UGGT2: variants seen among roughly 807,000 people sequenced by gnomAD.
UGGT2 encodes the protein UDP-glucose glycoprotein glucosyltransferase 2.
In UGGT2, 180 loss-of-function variants were observed where a neutral mutation model predicts 192.1. The ratio of observed to expected loss-of-function variants is 0.94; its 90% CI spans 0.83 to 1.06. UGGT2 has a LOEUF of 1.06. UGGT2 is among the 50% of genes least tolerant of loss of function. UGGT2 has a pLI of 0.00. For missense variants in UGGT2, 1,849 were observed against 1,795.7 expected, an observed-to-expected ratio of 1.03 and a Z score of -0.54; for synonymous variants, 580 against 591.0, an observed-to-expected ratio of 0.98 and a Z score of 0.27.
At chr13:95,932,311 T>TGTGTGTG (rs2049311268) in intron 17 of UGGT2, among the ~76,000 whole-genome samples, 62 of 139,508 alleles carry the variant, frequency 4.4e-4, no homozygotes, top group African/African-American at 1.6e-3. Flanking sequence ...GGTATTTTAT[T>TGTGTGTG]TGTGTGTGTG....
At chr13:95,884,065 C>CAA (rs35937679) in intron 27 of UGGT2, among the ~76,000 whole-genome samples, 27,843 of 73,636 alleles carry the variant, frequency 0.38, 4,029 homozygotes, top group Non-Finnish European at 0.44. Flanking sequence ...GCTGTGAGGC[C>CAA]AAAAAAAAAA....
At chr13:96,019,386 A>T (rs1197695650) in intron 4 of UGGT2, among the ~76,000 whole-genome samples, 3 of 152,156 alleles carry the variant, frequency 2.0e-5, no homozygotes, top group Admixed American at 6.5e-5. Context: ...ATCACATCTA[A>T]AGAACACTGA....
chr13:95,989,435 G>A, intron 8 of UGGT2: 2 of 179,104 alleles, frequency 1.1e-5, no homozygotes, highest in African/African-American at 2.4e-5. Context: ...ATTATAAATT[G>A]AAAAGTACTT....
chr13:95,888,022 T>C, intron 25 of UGGT2, 51 bp from the exon 26 acceptor site: 1 of 1,249,508 alleles, frequency 8.0e-7, no homozygotes, highest in East Asian at 2.5e-5. Context: ...TAATAGCTAA[T>C]ATTTATTATG....
At chr13:95,876,076 T>A (rs74644751) in intron 29 of UGGT2, among the ~76,000 whole-genome samples, 15 of 148,596 alleles carry the variant, frequency 1.0e-4, no homozygotes, top group Non-Finnish European at 3.0e-5. Context: ...GTTAAAAAAA[T>A]AATTTTGACA....
intron 20 of UGGT2, among the ~76,000 whole-genome samples, chr13:95,919,768 G>A (rs555422865): frequency 6.6e-6 from 1 of 152,210 alleles, no homozygotes; most frequent in African/African-American, 2.4e-5. Flanking sequence ...TCATGAAAAT[G>A]GCCATACTGC....
At chr13:95,881,331 T>A (rs2047488767) in intron 27 of UGGT2, among the ~76,000 whole-genome samples, 2 of 152,314 alleles carry the variant, frequency 1.3e-5, no homozygotes, top group South Asian at 4.2e-4. Flanking sequence ...ATATATAAAT[T>A]TTCAAGTTTG....
chr13:95,883,859 G>A (rs1042622979), intron 27 of UGGT2, among the ~76,000 whole-genome samples: 1 of 151,806 alleles, frequency 6.6e-6, no homozygotes. Context: ...TAGATTCAAC[G>A]TTTAAAAGAC....
chr13:95,878,495 A>G (rs1324161955), intron 27 of UGGT2, among the ~76,000 whole-genome samples: 7 of 152,172 alleles, frequency 4.6e-5, no homozygotes, highest in Non-Finnish European at 1.0e-4. Flanking sequence ...CTCTGTCTCT[A>G]TAAATATCAT....
chr13:95,983,452 A>G lies in UGGT2; in HGVS notation c.1092+352T>C, dbSNP rs41277674. On this transcript the variant is annotated intron_variant, in intron 10 of 38. Coordinates refer to ENST00000376747, the MANE Select transcript of UGGT2 (RefSeq NM_020121.4). ...TGTATTCTATCTGCTATAGGATTCT[A>G]CCGTTCCAGTGGTCTAACACTGACT... 1.1e-3 allele frequency: 413 copies of G among 359,754 alleles called. 1 individual carries two copies. The highest frequency in any genetic ancestry group is 2.0e-3 in the Non-Finnish European group (369 of 187,474). 22.3% of individuals were successfully genotyped at this position (359,754 alleles called of 1,614,324 possible). A position where few individuals can be genotyped will look rare whatever the true frequency, so the allele number is the denominator to read the frequency against.
At chr13:95,886,824 CTT>C (rs1357003666) in intron 26 of UGGT2, among the ~76,000 whole-genome samples, 2 of 152,124 alleles carry the variant, frequency 1.3e-5, no homozygotes, top group Admixed American at 6.5e-5. Context: ...AGGTGTATCT[CTT>C]GAGGCCAGGA....
In UGGT2 at chr13:95,867,449, ATTAAT is replaced by A. The variant is rs1206550587; in HGVS notation, c.3474-31_3474-27del. On this transcript the variant is annotated intron_variant, in intron 29 of 38. Coordinates refer to ENST00000376747, the MANE Select transcript of UGGT2 (RefSeq NM_020121.4). ...CTAAAAGTAGAAAAATGTGTCCATA[ATTAAT>A]TTAAGAATAGACATACAATTATGAT... 5 of 1,561,932 alleles carry A rather than the reference ATTAAT, an allele frequency of 3.2e-6. No individual in the cohort carries two copies. In the African/African-American group the frequency reaches 4.1e-5, roughly 13 times the overall value.
Position 95,947,122 on chromosome 13 carries a change from T to C in UGGT2, c.1592A>G (p.Asn531Ser), listed in dbSNP as rs1017095524. 12 of 1,611,292 alleles carry C rather than the reference T, an allele frequency of 7.4e-6. No individual in the cohort carries two copies. The highest frequency in any genetic ancestry group is 3.4e-5 in the Admixed American group (2 of 59,200). The change falls in exon 15 of 39, where the codon AAT (asparagine) becomes AGT (serine). Residue 531 changes from asparagine to serine, a missense_variant. Asn to Ser is a conservative substitution (Grantham distance 46). Transcript: ENST00000376747. ...TCGCCAGAGAGCAACTCCAGCATCATTTGCTCCATCAACTTCATCATCTGT... is the reference window on the plus strand; with the variant it reads ...TCGCCAGAGAGCAACTCCAGCATCACTTGCTCCATCAACTTCATCATCTGT... Reference protein sequence around the residue: ...LNTDDEVDGANDAGVALWRAF... With the variant: ...LNTDDEVDGASDAGVALWRAF...
At chr13:95,878,838 TTC>T (rs1157002659) in intron 27 of UGGT2, among the ~76,000 whole-genome samples, 2 of 152,228 alleles carry the variant, frequency 1.3e-5, no homozygotes, top group Non-Finnish European at 1.5e-5. Flanking sequence ...TTTACAGCAT[TTC>T]TTTCTTGATT....
chr13:95,923,625 T>C (rs1286240332), intron 20 of UGGT2, among the ~76,000 whole-genome samples: 1 of 152,234 alleles, frequency 6.6e-6, no homozygotes, highest in Non-Finnish European at 1.5e-5. Context: ...TTCAAAATTA[T>C]TTATGACTGC....
At chr13:95,921,415 T>C (rs2048842367) in intron 20 of UGGT2, among the ~76,000 whole-genome samples, 2 of 150,586 alleles carry the variant, frequency 1.3e-5, no homozygotes, top group South Asian at 2.1e-4. Flanking sequence ...AGATAGTGGA[T>C]AGGAAGCAGT....
intron 6 of UGGT2, among the ~76,000 whole-genome samples, chr13:95,997,219 AAC>A (rs776432757): frequency 6.6e-6 from 1 of 152,200 alleles, no homozygotes; most frequent in African/African-American, 2.4e-5. Context: ...CACCAAGAAC[AAC>A]AGAGACACAA....
chr13:95,970,313 C>A, intron 11 of UGGT2, 51 bp from the exon 12 acceptor site: 2 of 1,514,822 alleles, frequency 1.3e-6, no homozygotes, highest in East Asian at 2.3e-5. Context: ...AAATTAAAAA[C>A]AAATGTTTTA....
chr13:95,846,706 G>A, intron 36 of UGGT2, among the ~76,000 whole-genome samples: 1 of 151,916 alleles, frequency 6.6e-6, no homozygotes, highest in Admixed American at 6.6e-5. Flanking sequence ...CTGGGCCTGG[G>A]GATTTAAACT....
Sources: allele counts gnomAD v4.1 joint callset (sites outside exome capture counted in the v4.1 genomes callset), GRCh38; gene constraint gnomAD v4.1.1; transcripts MANE v1.5; gene names NCBI Gene and HGNC (gene_info 2026-07-23, HGNC 2026-07-21).